The following CORO2B variants were observed in gnomAD, a reference collection of about 807,000 sequenced individuals.
CORO2B encodes coronin-2B.
A neutral mutation model predicts 58.8 loss-of-function variants in CORO2B; 26 were observed. The ratio of observed to expected loss-of-function variants is 0.44; its 90% CI spans 0.32 to 0.61. CORO2B has a LOEUF of 0.61. Ranked by LOEUF, CORO2B falls within the 20% of genes least tolerant of loss-of-function variation. The pLI, the probability that CORO2B is intolerant of heterozygous loss-of-function variation, is 0.04. For synonymous variants in CORO2B, 242 were observed against 253.8 expected, an observed-to-expected ratio of 0.95 and a Z score of 0.44; for missense variants, 460 against 645.1, an observed-to-expected ratio of 0.71 and a Z score of 3.11.
intron 1 of CORO2B, among the ~76,000 whole-genome samples, chr15:68,638,991 T>A (rs1183671761): frequency 2.0e-5 from 3 of 152,226 alleles, no homozygotes; most frequent in African/African-American, 7.2e-5. Flanking sequence ...ATTCTGGTGA[T>A]GAGGAGTCTA....
chr15:68,524,916 T>C, the CORO2B span, among the ~76,000 whole-genome samples: 2 of 152,358 alleles, frequency 1.3e-5, no homozygotes, highest in South Asian at 4.1e-4. Flanking sequence ...CCCTTAACTG[T>C]TGCATCAGAT....
chr15:68,602,603 G>A (rs1340281352), intron 1 of CORO2B, among the ~76,000 whole-genome samples: 1 of 152,216 alleles, frequency 6.6e-6, no homozygotes, highest in Non-Finnish European at 1.5e-5. Flanking sequence ...ACGGTTCCCA[G>A]GGCTCTGATC....
At chr15:68,566,691 C>G in the CORO2B span, among the ~76,000 whole-genome samples, 7 of 152,338 alleles carry the variant, frequency 4.6e-5, no homozygotes, top group African/African-American at 1.7e-4. Flanking sequence ...AGCCTGACTT[C>G]CCTTCCCTGG....
At chr15:68,647,690 A>AG (rs1555413711) in intron 2 of CORO2B, among the ~76,000 whole-genome samples, 1 of 22,784 alleles carries the variant, frequency 4.4e-5, no homozygotes, top group Non-Finnish European at 7.3e-5. Context: ...ACTCCATCTC[A>AG]AAAAAAAAAA....
At chr15:68,524,749 G>A in the CORO2B span, among the ~76,000 whole-genome samples, 1 of 152,172 alleles carries the variant, frequency 6.6e-6, no homozygotes, top group Non-Finnish European at 1.5e-5. Context: ...CTTCTTTTCT[G>A]TTGGAGGCTC....
At chr15:68,637,915 C>T (rs1212303040) in intron 1 of CORO2B, among the ~76,000 whole-genome samples, 1 of 152,138 alleles carries the variant, frequency 6.6e-6, no homozygotes, top group African/African-American at 2.4e-5. Flanking sequence ...GAAAATGCAC[C>T]CGCTGGCCAC....
chr15:68,645,966 G>A lies in CORO2B; in HGVS notation c.216+606G>A, dbSNP rs951673494. ...TTTTTGTATTTTCAGTAGAGATGGG[G>A]TTTCACCATGTTGGTCAGGCTGGTC... On this transcript the variant is annotated intron_variant, in intron 2 of 11. Coordinates refer to ENST00000261861, the MANE Select transcript of CORO2B (RefSeq NM_006091.5). The surrounding 1 kb of genome is among the most constrained non-coding windows in gnomAD (Gnocchi z 4.5). Among the ~76,000 whole-genome samples, 1 of 151,908 alleles carries A rather than the reference G, an allele frequency of 6.6e-6. No individual in the cohort carries two copies. Among genetic ancestry groups the A allele is most frequent in the Admixed American group, 6.6e-5 (1 of 15,246 alleles).
chr15:68,578,176 G>A (rs1446780153), upstream of CORO2B, among the ~76,000 whole-genome samples: 4 of 152,070 alleles, frequency 2.6e-5, no homozygotes, highest in Non-Finnish European at 1.5e-5. The surrounding 1 kb of genome is among the most constrained non-coding windows in gnomAD (Gnocchi z 4.2). Context: ...AGTCAGGATT[G>A]GATCAACACA....
chr15:68,637,444 A>T (rs978960610), intron 1 of CORO2B, among the ~76,000 whole-genome samples: 2 of 152,194 alleles, frequency 1.3e-5, no homozygotes, highest in South Asian at 2.1e-4. Context: ...GATGAGATGG[A>T]GCAGTTGATA....
intron 2 of CORO2B, among the ~76,000 whole-genome samples, chr15:68,662,532 A>G (rs1461292739): frequency 6.6e-6 from 1 of 152,262 alleles, no homozygotes; most frequent in Admixed American, 6.5e-5. Context: ...TGAAAAATAC[A>G]TCAAGAACCT....
At chr15:68,700,499 C>G (rs1022454664) in intron 3 of CORO2B, among the ~76,000 whole-genome samples, 3 of 152,216 alleles carry the variant, frequency 2.0e-5, no homozygotes, top group African/African-American at 7.2e-5. Flanking sequence ...GGATCCGTTT[C>G]CCCTCCCTGA....
At chr15:68,531,754 A>G in the CORO2B span, among the ~76,000 whole-genome samples, 1 of 151,740 alleles carries the variant, frequency 6.6e-6, no homozygotes, top group Non-Finnish European at 1.5e-5. Flanking sequence ...AATGCTCTCT[A>G]TTGTTTTAAG....
intron 1 of CORO2B, among the ~76,000 whole-genome samples, chr15:68,615,736 T>C (rs891889755): frequency 6.6e-6 from 1 of 152,112 alleles, no homozygotes; most frequent in Admixed American, 6.6e-5. Flanking sequence ...CATCAGTGAA[T>C]CAGAAAGTGG....
rs138337700 is a variant in CORO2B, at chr15:68,618,174, A to G, written c.16-26986A>G. On this transcript the variant is annotated intron_variant, in intron 1 of 11. Transcript: ENST00000261861. ...CAAATACATGTTATATATACAAAAC[A>G]AAACCAAAGGTCATGATATGCACTC... Among the ~76,000 whole-genome samples the G allele has an allele frequency of 4.6e-5, 7 of 152,304 alleles. No individual in the cohort carries two copies. The East Asian group carries it at 1.4e-3, about 29-fold the overall frequency.
At chr15:68,640,036 T>A (rs1027245682) in intron 1 of CORO2B, among the ~76,000 whole-genome samples, 3 of 152,188 alleles carry the variant, frequency 2.0e-5, no homozygotes, top group African/African-American at 7.2e-5. Flanking sequence ...CAAGGCCTCC[T>A]CTCTCTGGCA....
At chr15:68,570,483 C>G in the CORO2B span, among the ~76,000 whole-genome samples, 1 of 152,138 alleles carries the variant, frequency 6.6e-6, no homozygotes, top group Non-Finnish European at 1.5e-5. Context: ...AGGAAACTTC[C>G]GGGTGGTGAC....
At chr15:68,565,818 C>T in the CORO2B span, among the ~76,000 whole-genome samples, 1 of 152,224 alleles carries the variant, frequency 6.6e-6, no homozygotes, top group Non-Finnish European at 1.5e-5. Context: ...TTGGGCTTTG[C>T]TGGAGCACCT....
intron 2 of CORO2B, among the ~76,000 whole-genome samples, chr15:68,662,543 C>G (rs145937912): frequency 5.1e-4 from 78 of 152,328 alleles, no homozygotes; most frequent in African/African-American, 1.8e-3. Flanking sequence ...TCAAGAACCT[C>G]AAGAGATCAC....
chr15:68,595,901 G>A (rs1899816063), intron 1 of CORO2B, among the ~76,000 whole-genome samples: 1 of 152,202 alleles, frequency 6.6e-6, no homozygotes, highest in African/African-American at 2.4e-5. Flanking sequence ...AGGAGGAGGT[G>A]TTGGAGTGTG....
Sources: gnomAD v4.1 joint callset for allele counts (sites outside exome capture counted in the v4.1 genomes callset) on GRCh38, gnomAD v4.1.1 for gene constraint, Gnocchi (gnomAD v3.1) non-coding constraint, MANE v1.5 for transcripts, NCBI Gene and HGNC (gene_info 2026-07-23, HGNC 2026-07-21) for gene names.